M1AP: variants seen among roughly 807,000 people sequenced by gnomAD.
M1AP encodes meiosis 1 arrest protein.
Under a neutral mutation model 51.2 loss-of-function variants are expected in M1AP, and 39 were observed. The observed-to-expected ratio is 0.76, with a 90% CI of 0.59 to 1.00. The LOEUF is 1.00. M1AP is among the 50% of genes least tolerant of loss of function. M1AP has a pLI of 0.00. For missense variants in M1AP, 545 were observed against 641.2 expected (o/e 0.85, Z 1.62); for synonymous variants, 251 against 249.2 (o/e 1.01, Z -0.07).
intron 4 of M1AP, among the ~76,000 whole-genome samples, chr2:74,586,989 C>T (rs1396238291): frequency 4.1e-5 from 6 of 144,584 alleles, no homozygotes; most frequent in South Asian, 2.1e-4. Flanking sequence ...GCAACAAGAG[C>T]GAAACTCCAT....
chr2:74,642,005 C>G, intron 1 of M1AP, among the ~76,000 whole-genome samples: 1 of 151,900 alleles, frequency 6.6e-6, no homozygotes, highest in South Asian at 2.1e-4. Flanking sequence ...GCCACCATGC[C>G]TGGCTAGTTT....
At chr2:74,567,850 T>A (rs967028858) in intron 7 of M1AP, among the ~76,000 whole-genome samples, 1 of 152,222 alleles carries the variant, frequency 6.6e-6, no homozygotes. Context: ...CTGGGAAAAG[T>A]CTTGCCTATC....
At chr2:74,632,172 T>C (rs1393446445) in intron 2 of M1AP, among the ~76,000 whole-genome samples, 1 of 152,164 alleles carries the variant, frequency 6.6e-6, no homozygotes, top group East Asian at 1.9e-4. Flanking sequence ...TATGTGTGAT[T>C]TTTTCAGGCC....
chr2:74,559,013 C>G, intron 10 of M1AP, 139 bp from the exon 11 acceptor site: 1 of 808,264 alleles, frequency 1.2e-6, no homozygotes, highest in Non-Finnish European at 1.8e-6. Context: ...GGACAGTGAT[C>G]TGGAGTCCCT....
At chr2:74,621,661 C>T (rs1682047744) in intron 2 of M1AP, among the ~76,000 whole-genome samples, 1 of 151,644 alleles carries the variant, frequency 6.6e-6, no homozygotes, top group East Asian at 1.9e-4. Flanking sequence ...GGCATGGTGG[C>T]GGGTGCCTGT....
At chr2:74,623,857 A>T (rs1220226095) in intron 2 of M1AP, among the ~76,000 whole-genome samples, 1 of 152,132 alleles carries the variant, frequency 6.6e-6, no homozygotes, top group Non-Finnish European at 1.5e-5. Context: ...ATTTTAGTAG[A>T]GACAAGGTCT....
chr2:74,634,299 G>A (rs1490738444), intron 2 of M1AP, among the ~76,000 whole-genome samples: 1 of 152,128 alleles, frequency 6.6e-6, no homozygotes. Flanking sequence ...ATTTCATAAG[G>A]GCAAAACTAC....
Position 74,558,621 on chromosome 2 carries a change from G to A in M1AP, c.*95C>T, listed in dbSNP as rs1390220768. Reference sequence around the variant, plus strand: ...GTCAGCCCTCACTCACAGAGGCTCAGGCGGATAGAGAGCAAGTCTGACCAC... The same window carrying A: ...GTCAGCCCTCACTCACAGAGGCTCAAGCGGATAGAGAGCAAGTCTGACCAC... On this transcript the variant is annotated 3_prime_UTR_variant, in exon 11 of 11. Transcript: ENST00000421985. 1.1e-5 allele frequency: 16 copies of A among 1,457,878 alleles called. No homozygotes were observed. Among genetic ancestry groups the A allele is most frequent in the African/African-American group, 2.9e-5 (2 of 69,940 alleles). 90.3% of individuals were successfully genotyped at this position (1,457,878 alleles called of 1,614,324 possible).
At chr2:74,647,216 C>G (rs1399429434) in intron 1 of M1AP, 95 of 985,164 alleles carry the variant, frequency 9.6e-5, no homozygotes, top group Non-Finnish European at 1.1e-4. Flanking sequence ...CTTGTGCCTT[C>G]TGCCCAACTC....
At chr2:74,606,717 G>C (rs914142920) in intron 4 of M1AP, among the ~76,000 whole-genome samples, 1 of 151,826 alleles carries the variant, frequency 6.6e-6, no homozygotes, top group Non-Finnish European at 1.5e-5. Context: ...TTCATTATTA[G>C]GATATATTGT....
chr2:74,584,678 G>A (rs976925225), intron 4 of M1AP, among the ~76,000 whole-genome samples: 10 of 150,904 alleles, frequency 6.6e-5, no homozygotes, highest in Admixed American at 4.0e-4. Context: ...GAAAATAAAG[G>A]TTTCCTCAGA....
chr2:74,645,030 A>T (rs1277082226), intron 1 of M1AP, among the ~76,000 whole-genome samples: 2 of 152,086 alleles, frequency 1.3e-5, no homozygotes, highest in African/African-American at 2.4e-5. Flanking sequence ...CTTTGCAATA[A>T]ATCTTGCCGC....
intron 2 of M1AP, among the ~76,000 whole-genome samples, chr2:74,619,802 C>T (rs1255188957): frequency 1.3e-5 from 2 of 152,048 alleles, no homozygotes; most frequent in African/African-American, 2.4e-5. Flanking sequence ...GCACAGTGCC[C>T]GAGACCAATG....
At chr2:74,614,763 A>G (rs1041450372) in intron 3 of M1AP, among the ~76,000 whole-genome samples, 1 of 152,228 alleles carries the variant, frequency 6.6e-6, no homozygotes, top group African/African-American at 2.4e-5. Flanking sequence ...GCTCTTCTCT[A>G]TAACTATCTC....
At chr2:74,597,583 A>G (rs1484671300) in intron 4 of M1AP, among the ~76,000 whole-genome samples, 2 of 152,198 alleles carry the variant, frequency 1.3e-5, no homozygotes, top group African/African-American at 4.8e-5. Context: ...ATATGGAGAA[A>G]ATACCTTCCC....
chr2:74,579,725 A>G (rs1373136423), intron 5 of M1AP, among the ~76,000 whole-genome samples: 1 of 152,118 alleles, frequency 6.6e-6, no homozygotes, highest in Non-Finnish European at 1.5e-5. Context: ...CAGGTAAAAT[A>G]CTACTTCTAA....
chr2:74,568,419 C>T (rs73949687), intron 7 of M1AP, among the ~76,000 whole-genome samples: 35 of 152,092 alleles, frequency 2.3e-4, no homozygotes, highest in Non-Finnish European at 4.3e-4. Flanking sequence ...AGGAAGAGTC[C>T]GGAGAGATGA....
chr2:74,596,832 AT>A (rs1262109141), intron 4 of M1AP, among the ~76,000 whole-genome samples: 4 of 152,254 alleles, frequency 2.6e-5, no homozygotes, highest in African/African-American at 9.6e-5. Flanking sequence ...ACATAGCTGA[AT>A]CTCAAAATCT....
chr2:74,621,717 C>A (rs1048922969), intron 2 of M1AP, among the ~76,000 whole-genome samples: 4 of 151,104 alleles, frequency 2.6e-5, no homozygotes, highest in African/African-American at 9.7e-5. Context: ...GGCGTAAACC[C>A]GGGAGGCAGA....
Sources: gnomAD v4.1 joint callset for allele counts (sites outside exome capture counted in the v4.1 genomes callset) on GRCh38, gnomAD v4.1.1 for gene constraint, MANE v1.5 for transcripts, NCBI Gene and HGNC (gene_info 2026-07-23, HGNC 2026-07-21) for gene names.